The following CORO7 variants were observed in gnomAD, a reference collection of about 807,000 sequenced individuals.
CORO7 encodes the protein coronin-7.
Under a neutral mutation model 126.6 loss-of-function variants are expected in CORO7, and 107 were observed. The observed-to-expected ratio is 0.85, with a 90% CI of 0.72 to 0.99. The LOEUF (loss-of-function observed/expected upper bound fraction) is 0.99. Among genes scored for constraint, CORO7 ranks in the 50% least tolerant of loss-of-function variants. The probability of loss-of-function intolerance (pLI) is 0.00; values close to 1 mark genes in which losing one functional copy is unlikely to be tolerated. For synonymous variants in CORO7, 603 were observed against 536.8 expected, an observed-to-expected ratio of 1.12 and a Z score of -1.70; for missense variants, 1,314 against 1,255.8, an observed-to-expected ratio of 1.05 and a Z score of -0.70.
chr16:4,393,897 G>A (rs550538675), intron 7 of CORO7, among the ~76,000 whole-genome samples: 1 of 152,188 alleles, frequency 6.6e-6, no homozygotes, highest in Admixed American at 6.5e-5. Context: ...TCAGGAGTTC[G>A]AGACCAGCCT....
chr16:4,381,966 C>T lies in CORO7; in HGVS notation c.785+6020G>A, dbSNP rs781472559. 26 of 1,608,194 alleles carry T rather than the reference C, an allele frequency of 1.6e-5. No individual in the cohort carries two copies. In the Admixed American group the frequency reaches 3.2e-4, roughly 20 times the overall value. On this transcript the variant is annotated intron_variant, in intron 9 of 27. Coordinates refer to ENST00000251166, the MANE Select transcript of CORO7 (RefSeq NM_024535.5). ...CAGCCACAGTGCCCACCACGAGGCC[C>T]GTGGTGCGGGAGCCCACAGCCTTGT...
chr16:4,357,013 G>A, intron 26 of CORO7, 155 bp downstream of exon 26: 1 of 1,038,274 alleles, frequency 9.6e-7, no homozygotes, highest in Non-Finnish European at 1.4e-6. Flanking sequence ...TCAGTGGTAG[G>A]GCTCTGGAAG....
At chr16:4,383,351 G>A (rs1198147884) in intron 9 of CORO7, 1 of 181,038 alleles carries the variant, frequency 5.5e-6, no homozygotes, top group African/African-American at 2.4e-5. Flanking sequence ...AACTGGAAAG[G>A]AAGATGCTTT....
At chr16:4,360,608 C>G in intron 19 of CORO7, 60 bp from the exon 20 acceptor site, 1 of 1,536,034 alleles carries the variant, frequency 6.5e-7, no homozygotes, top group Non-Finnish European at 8.8e-7. Flanking sequence ...CACCTCTCCC[C>G]ACTGCTCCTG....
rs534305940 is a variant in CORO7, at chr16:4,375,388, C to T, written c.786-9843G>A. ...AGACGAGCTGACATCCTGACTGTCC[C>T]CTTTGCAACCCTCTGTCCTGGTGTT... On this transcript the variant is annotated intron_variant, in intron 9 of 27. Coordinates refer to ENST00000251166, the MANE Select transcript of CORO7 (RefSeq NM_024535.5). Among the ~76,000 whole-genome samples the T allele has an allele frequency of 7.9e-5, 12 of 152,350 alleles. No individual in the cohort carries two copies. The East Asian group carries it at 2.3e-3, about 29-fold the overall frequency.
intron 7 of CORO7, among the ~76,000 whole-genome samples, chr16:4,392,399 G>A (rs1366090059): frequency 1.3e-5 from 2 of 152,200 alleles, no homozygotes; most frequent in East Asian, 1.9e-4. Context: ...TATGCCAAGT[G>A]CCTGGCGCAT....
chr16:4,388,948 C>T (rs536171366), intron 7 of CORO7, among the ~76,000 whole-genome samples: 21 of 152,332 alleles, frequency 1.4e-4, no homozygotes, highest in East Asian at 7.7e-4. Context: ...TTCCCTGCTG[C>T]GCCAGGGGCT....
chr16:4,359,679 G>A (rs943243564), intron 21 of CORO7, 58 bp from the exon 22 acceptor site: 8 of 1,534,406 alleles, frequency 5.2e-6, no homozygotes, highest in Non-Finnish European at 5.3e-6. Flanking sequence ...GCCTGGGGCA[G>A]GGAGAAGGCG....
In CORO7 at chr16:4,385,107, C is replaced by T. The variant is rs564884615; in HGVS notation, c.785+2879G>A. 1.1e-4 allele frequency among the ~76,000 whole-genome samples: 17 copies of T among 152,268 alleles called. No homozygotes were observed. In the East Asian group the frequency reaches 2.9e-3, roughly 26 times the overall value. On this transcript the variant is annotated intron_variant, in intron 9 of 27. Transcript: ENST00000251166. Reference sequence around the variant, plus strand: ...ACCAAGCTGAGATGCAGCCTCGACCCGGGACAAGCCCCCCGACTCTAGGCC... The same window carrying T: ...ACCAAGCTGAGATGCAGCCTCGACCTGGGACAAGCCCCCCGACTCTAGGCC...
intron 16 of CORO7, chr16:4,361,713 G>C: frequency 1.3e-6 from 1 of 788,806 alleles, no homozygotes; most frequent in Non-Finnish European, 2.1e-6. Context: ...TTAGGGCTCA[G>C]GTGGCCGGGC....
At chr16:4,406,971 G>A (rs1202184394) in intron 5 of CORO7, among the ~76,000 whole-genome samples, 3 of 143,860 alleles carry the variant, frequency 2.1e-5, no homozygotes, top group Admixed American at 7.2e-5. Context: ...TTTTTGAGAC[G>A]GCATCTCACT....
Position 4,354,840 on chromosome 16 carries a change from G to A in CORO7, c.*318C>T. On this transcript the variant is annotated 3_prime_UTR_variant, in exon 28 of 28. Transcript: ENST00000251166. Reference sequence around the variant, plus strand: ...CCAATCCAGGCTGGGACCAGCCCAGGTCAGCAGTGAGACCAGGGGAGACAG... The same window carrying A: ...CCAATCCAGGCTGGGACCAGCCCAGATCAGCAGTGAGACCAGGGGAGACAG... The A allele has an allele frequency of 2.6e-6, 1 of 388,656 alleles. No homozygotes were observed. The highest frequency in any genetic ancestry group is 4.6e-6 in the Non-Finnish European group (1 of 218,314). The allele number at this position is 388,656 out of a possible 1,614,324, so 24.1% of individuals were successfully genotyped here.
intron 9 of CORO7, among the ~76,000 whole-genome samples, chr16:4,377,847 G>A (rs181484909): frequency 6.6e-6 from 1 of 152,336 alleles, no homozygotes; most frequent in African/African-American, 2.4e-5. Flanking sequence ...CTGGGAAGCA[G>A]GCTGGCTGCC....
At position 4,362,760 on chromosome 16, in the gene CORO7, G is replaced by A. The variant is rs1263347674; in HGVS notation, c.1276-22C>T. On this transcript the variant is annotated intron_variant, in intron 14 of 27. Coordinates refer to ENST00000251166, the MANE Select transcript of CORO7 (RefSeq NM_024535.5). The surrounding 1 kb of genome is among the most constrained non-coding windows in gnomAD (Gnocchi z 5.3). Reference sequence around the variant, plus strand: ...CCTCCTGGGGAGGGGCATGGGGTCAGCCAGCCTGCTCCTAGGTGTACTGGC... The same window carrying A: ...CCTCCTGGGGAGGGGCATGGGGTCAACCAGCCTGCTCCTAGGTGTACTGGC... 7.3e-7 allele frequency: 1 copy of A among 1,362,180 alleles called. No homozygotes were observed. The highest frequency in any genetic ancestry group is 9.5e-7 in the Non-Finnish European group (1 of 1,053,298). 84.4% of individuals were successfully genotyped at this position (1,362,180 alleles called of 1,614,324 possible).
intron 23 of CORO7, chr16:4,359,082 T>G (rs2054074178): frequency 1.6e-6 from 1 of 615,740 alleles, no homozygotes; most frequent in African/African-American, 1.9e-5. Flanking sequence ...ACAGTATGAT[T>G]TTTAATAATG....
Position 4,355,091 on chromosome 16 carries a change from G to A in CORO7, c.*67C>T. On this transcript the variant is annotated 3_prime_UTR_variant, in exon 28 of 28. Coordinates refer to ENST00000251166, the MANE Select transcript of CORO7 (RefSeq NM_024535.5). ...GCCAGAGAGGTATCTTCCAGCTTGAGGATGAGCCGTGAGGTGTGCACTAGG... is the reference window on the plus strand; with the variant it reads ...GCCAGAGAGGTATCTTCCAGCTTGAAGATGAGCCGTGAGGTGTGCACTAGG... 2 of 1,432,988 alleles carry A rather than the reference G, an allele frequency of 1.4e-6. No homozygotes were observed. The highest frequency in any genetic ancestry group is 1.5e-5 in the South Asian group (1 of 65,998). The allele number at this position is 1,432,988 out of a possible 1,614,324, so 88.8% of individuals were successfully genotyped here. A position where few individuals can be genotyped will look rare whatever the true frequency, so the allele number is the denominator to read the frequency against.
chr16:4,359,655 T>G lies in CORO7; in HGVS notation c.2109-34A>C, dbSNP rs1288154481. On this transcript the variant is annotated intron_variant, in intron 21 of 27. Coordinates refer to ENST00000251166, the MANE Select transcript of CORO7 (RefSeq NM_024535.5). ...GGGTTTGGGGGCTGAAGCAGGTGTT[T>G]CAGAGCTGAAGGGGCCTGGGGCAGG... 5.8e-6 allele frequency: 9 copies of G among 1,565,110 alleles called. No homozygotes were observed. In the South Asian group the frequency reaches 9.7e-5, roughly 17 times the overall value.
intron 3 of CORO7, among the ~76,000 whole-genome samples, chr16:4,411,230 A>C (rs527620428): frequency 1.3e-5 from 2 of 152,272 alleles, no homozygotes; most frequent in African/African-American, 4.8e-5. Flanking sequence ...TTTTACAAAA[A>C]ATTTTTAAAA....
intron 9 of CORO7, among the ~76,000 whole-genome samples, chr16:4,378,436 C>T (rs942212552): frequency 6.6e-6 from 1 of 152,108 alleles, no homozygotes; most frequent in African/African-American, 2.4e-5. Flanking sequence ...GCTGGGAGGG[C>T]TAATTCAGGC....
Sources: allele counts gnomAD v4.1 joint callset (sites outside exome capture counted in the v4.1 genomes callset), GRCh38; gene constraint gnomAD v4.1.1; non-coding constraint Gnocchi (gnomAD v3.1); transcripts MANE v1.5; gene names NCBI Gene and HGNC (gene_info 2026-07-23, HGNC 2026-07-21).